CERT1: variants seen among roughly 807,000 people sequenced by gnomAD.
CERT1 encodes ceramide transfer protein.
In CERT1, 31 loss-of-function variants were observed where a neutral mutation model predicts 87.9. That is an observed-to-expected ratio of 0.35 (90% confidence interval 0.27 to 0.48). CERT1 has a LOEUF of 0.48. CERT1 is among the 20% of genes least tolerant of loss of function. The probability of loss-of-function intolerance (pLI) is 0.99; values close to 1 mark genes in which losing one functional copy is unlikely to be tolerated. For synonymous variants in CERT1, 289 were observed against 250.9 expected (o/e 1.15, Z -1.44); for missense variants, 487 against 758.0 (o/e 0.64, Z 4.20).
intron 2 of CERT1, among the ~76,000 whole-genome samples, chr5:75,463,903 T>C (rs537732056): frequency 6.6e-6 from 1 of 152,234 alleles, no homozygotes; most frequent in South Asian, 2.1e-4. Flanking sequence ...GGTTAGGCAC[T>C]TATGCCAGGT....
At chr5:75,485,361 C>T (rs1192648423) in intron 2 of CERT1, among the ~76,000 whole-genome samples, 1 of 143,672 alleles carries the variant, frequency 7.0e-6, no homozygotes, top group Non-Finnish European at 1.5e-5. Flanking sequence ...GGAAAGAGAG[C>T]CTATGGTATA....
At chr5:75,504,905 T>TTA (rs1767582312) in intron 2 of CERT1, among the ~76,000 whole-genome samples, 2 of 152,322 alleles carry the variant, frequency 1.3e-5, no homozygotes, top group East Asian at 3.9e-4. Context: ...AGTTTACTTG[T>TTA]TATAGTTCTT....
chr5:75,503,668 C>T (rs1000262057), intron 2 of CERT1, among the ~76,000 whole-genome samples: 5 of 151,838 alleles, frequency 3.3e-5, no homozygotes, highest in African/African-American at 1.2e-4. Flanking sequence ...TTTACTTCTA[C>T]TTTTATCTCT....
chr5:75,413,025 C>A (rs1036247971), intron 7 of CERT1, among the ~76,000 whole-genome samples: 8 of 152,094 alleles, frequency 5.3e-5, no homozygotes, highest in Non-Finnish European at 1.0e-4. Context: ...CATTGTACAG[C>A]AGCACAAAAA....
intron 3 of CERT1, among the ~76,000 whole-genome samples, chr5:75,438,354 G>A (rs1472761684): frequency 6.6e-6 from 1 of 152,096 alleles, no homozygotes; most frequent in Non-Finnish European, 1.5e-5. Context: ...AAAACCCACA[G>A]TTTTTATTTG....
At position 75,382,277 on chromosome 5, in the gene CERT1, AT is replaced by A. The variant is rs548664523; in HGVS notation, c.1489-201del. ...AATATAATAAAAGGAATAATGTTCTATTTTTTTAATTGCAGTAAAATATATA... is the reference window on the plus strand; with the variant it reads ...AATATAATAAAAGGAATAATGTTCTATTTTTTAATTGCAGTAAAATATATA... On this transcript the variant is annotated intron_variant, in intron 14 of 16. Coordinates refer to ENST00000643780, the MANE Select transcript of CERT1 (RefSeq NM_001379029.1). Among the ~76,000 whole-genome samples, 194 of 152,294 alleles carry A rather than the reference AT, an allele frequency of 1.3e-3. 1 individual carries two copies. Among genetic ancestry groups the A allele is most frequent in the Admixed American group, 2.9e-3 (44 of 15,292 alleles).
rs796417172 is a variant in CERT1, at chr5:75,416,918, T to C, written c.795A>G (p.Leu265=). 3 of 1,613,078 alleles carry C rather than the reference T, an allele frequency of 1.9e-6. No homozygotes were observed. Among genetic ancestry groups the C allele is most frequent in the Non-Finnish European group, 1.7e-6 (2 of 1,179,498 alleles). The change falls in exon 7 of 17, where the codon CTA becomes CTG. Residue 265 remains leucine (L), a synonymous_variant. Coordinates refer to ENST00000643780, the MANE Select transcript of CERT1 (RefSeq NM_001379029.1). ...ILATLSHCIE[L]MVKREDSWQK... is the part of the protein sequence containing the mutation. Reference sequence around the variant, plus strand: ...GCCAGCTGTCCTCACGTTTAACCATTAGTTCAATACAATGAGAAAGTGTTG... The same window carrying C: ...GCCAGCTGTCCTCACGTTTAACCATCAGTTCAATACAATGAGAAAGTGTTG...
At chr5:75,382,483 C>T (rs1438084943) in intron 14 of CERT1, among the ~76,000 whole-genome samples, 2 of 151,974 alleles carry the variant, frequency 1.3e-5, no homozygotes, top group African/African-American at 2.4e-5. Flanking sequence ...TGATTATGTT[C>T]TACTTAGATT....
intron 2 of CERT1, among the ~76,000 whole-genome samples, chr5:75,471,896 A>G (rs1350772606): frequency 6.6e-6 from 1 of 152,182 alleles, no homozygotes; most frequent in Non-Finnish European, 1.5e-5. Context: ...GATACCAATG[A>G]CATTTTTCAT....
intron 2 of CERT1, among the ~76,000 whole-genome samples, chr5:75,502,676 C>T (rs1282112634): frequency 2.0e-5 from 3 of 151,930 alleles, no homozygotes; most frequent in Admixed American, 6.6e-5. Flanking sequence ...TTTGGTTGTC[C>T]CTCAAGTGCA....
intron 3 of CERT1, among the ~76,000 whole-genome samples, chr5:75,454,761 G>A (rs1199951575): frequency 6.6e-6 from 1 of 152,206 alleles, no homozygotes; most frequent in Non-Finnish European, 1.5e-5. Context: ...TTTGGGATTT[G>A]AAGCAAATTG....
Position 75,385,887 on chromosome 5 carries a change from A to T in CERT1, c.1417+15T>A. The T allele has an allele frequency of 6.9e-7, 1 of 1,456,934 alleles. No homozygotes were observed. The highest frequency in any genetic ancestry group is 9.1e-7 in the Non-Finnish European group (1 of 1,103,310). 90.3% of individuals were successfully genotyped at this position (1,456,934 alleles called of 1,614,324 possible). A position where few individuals can be genotyped will look rare whatever the true frequency, so the allele number is the denominator to read the frequency against. ...CAAAATAATAGATTAAAATATATTA[A>T]TAATGACAGCTTACTTTCCCAGTCA... On this transcript the variant is annotated intron_variant, in intron 13 of 16. Transcript: ENST00000643780.
At chr5:75,429,834 A>T (rs2112202192) in intron 3 of CERT1, among the ~76,000 whole-genome samples, 2 of 139,846 alleles carry the variant, frequency 1.4e-5, no homozygotes, top group South Asian at 4.9e-4. Context: ...TCCAAATATA[A>T]GAAAAAATGA....
At chr5:75,422,409 A>C (rs1763420423) in intron 5 of CERT1, among the ~76,000 whole-genome samples, 1 of 152,132 alleles carries the variant, frequency 6.6e-6, no homozygotes, top group Non-Finnish European at 1.5e-5. Context: ...TGAGCTCAGG[A>C]GTTTGAGACA....
intron 2 of CERT1, among the ~76,000 whole-genome samples, chr5:75,471,227 G>A (rs1264102385): frequency 6.6e-6 from 1 of 152,118 alleles, no homozygotes; most frequent in East Asian, 1.9e-4. Flanking sequence ...AGATGGTATA[G>A]CCTACTACTC....
intron 3 of CERT1, among the ~76,000 whole-genome samples, chr5:75,458,557 CTTT>C (rs1184107012): frequency 6.8e-6 from 1 of 146,336 alleles, no homozygotes; most frequent in African/African-American, 2.5e-5. Context: ...AAATATTTAT[CTTT>C]TTTTTTTTTG....
intron 10 of CERT1, 53 bp from the exon 11 acceptor site, chr5:75,399,440 G>A: frequency 7.6e-7 from 1 of 1,323,710 alleles, no homozygotes; most frequent in South Asian, 1.2e-5. Context: ...AGGCACAACA[G>A]AGCATTCAGT....
At chr5:75,478,348 A>C (rs1237304447) in intron 2 of CERT1, among the ~76,000 whole-genome samples, 1 of 151,954 alleles carries the variant, frequency 6.6e-6, no homozygotes, top group Non-Finnish European at 1.5e-5. Context: ...AGAAAAGAGG[A>C]AAAAACACAA....
rs189691595 is a variant in CERT1 at position 75,393,909 on chromosome 5, G to A, written c.1189-4222C>T. On this transcript the variant is annotated intron_variant, in intron 11 of 16. Transcript: ENST00000643780. ...GAACCCGGGAGGCGGAGGGTGCAGT[G>A]AGCCGAGATCGCGCCACTGCACTCC... 2.1e-3 allele frequency among the ~76,000 whole-genome samples: 317 copies of A among 152,032 alleles called. 1 individual carries two copies. In the East Asian group the frequency reaches 0.028, roughly 13 times the overall value.
Sources: gnomAD v4.1 joint callset for allele counts (sites outside exome capture counted in the v4.1 genomes callset) on GRCh38, gnomAD v4.1.1 for gene constraint, MANE v1.5 for transcripts, NCBI Gene and HGNC (gene_info 2026-07-23, HGNC 2026-07-21) for gene names.